Variants in UBE2G1 observed in about 807,000 individuals in gnomAD.
The protein encoded by UBE2G1 is ubiquitin-conjugating enzyme E2 G1.
UBE2G1 carries 5 observed loss-of-function variants against 22.7 expected under a neutral mutation model. The ratio of observed to expected loss-of-function variants is 0.22; its 90% confidence interval spans 0.12 to 0.46. The LOEUF is 0.46. Among genes scored for constraint, UBE2G1 ranks in the 20% least tolerant of loss-of-function variants. The pLI is 0.99. For synonymous variants in UBE2G1, 74 were observed against 67.5 expected (o/e 1.10, Z -0.47); for missense variants, 88 against 203.9 (o/e 0.43, Z 3.46).
intron 1 of UBE2G1, among the ~76,000 whole-genome samples, chr17:4,334,352 A>G (rs1969620094): frequency 1.3e-5 from 2 of 152,176 alleles, no homozygotes; most frequent in Non-Finnish European, 2.9e-5. Context: ...TCAGATTTCT[A>G]CTGTGTACAA....
At chr17:4,331,024 G>T (rs1015733425) in intron 1 of UBE2G1, among the ~76,000 whole-genome samples, 1 of 127,274 alleles carries the variant, frequency 7.9e-6, no homozygotes, top group African/African-American at 4.3e-5. Context: ...AACTGTCAAG[G>T]TGTTCACCTT....
chr17:4,366,581 T>G lies in UBE2G1; in HGVS notation c.-265A>C. The G allele has an allele frequency of 5.5e-6, 2 of 360,876 alleles. No individual in the cohort carries two copies. The highest frequency in any genetic ancestry group is 5.0e-6 in the Non-Finnish European group (1 of 199,686). 22.4% of individuals were successfully genotyped at this position (360,876 alleles called of 1,614,324 possible). A position where few individuals can be genotyped will look rare whatever the true frequency, so the allele number is the denominator to read the frequency against. On this transcript the variant is annotated 5_prime_UTR_variant, in exon 1 of 6. Transcript: ENST00000396981. Reference sequence around the variant, plus strand: ...GCGCACTGGGACTTCGCTCGCCCGCTTCCCTCCTTCAACCCGCCCGTCGGC... The same window carrying G: ...GCGCACTGGGACTTCGCTCGCCCGCGTCCCTCCTTCAACCCGCCCGTCGGC...
chr17:4,303,106 G>T (rs1222933570), intron 2 of UBE2G1, among the ~76,000 whole-genome samples: 3 of 152,038 alleles, frequency 2.0e-5, no homozygotes, highest in Non-Finnish European at 4.4e-5. Flanking sequence ...CCCTTTCCTG[G>T]TAGGGGCATA....
At chr17:4,310,314 C>G (rs914184911) in intron 1 of UBE2G1, among the ~76,000 whole-genome samples, 1 of 152,084 alleles carries the variant, frequency 6.6e-6, no homozygotes, top group Non-Finnish European at 1.5e-5. Flanking sequence ...GAGAAGTAAA[C>G]AGGCAATTAC....
At chr17:4,302,262 G>C in intron 2 of UBE2G1, 1 of 467,902 alleles carries the variant, frequency 2.1e-6, no homozygotes, top group Admixed American at 2.4e-5. Context: ...CCCAGTATTT[G>C]GGCTCCCAGT....
intron 4 of UBE2G1, 32 bp downstream of exon 4, chr17:4,289,198 T>C: frequency 1.4e-6 from 2 of 1,475,960 alleles, no homozygotes; most frequent in Non-Finnish European, 1.8e-6. Flanking sequence ...CAAGGGAAAG[T>C]GAAGGGAAGG....
chr17:4,358,441 A>AT (rs1028470078), intron 1 of UBE2G1, among the ~76,000 whole-genome samples: 1 of 150,558 alleles, frequency 6.6e-6, no homozygotes, highest in South Asian at 2.1e-4. Flanking sequence ...AATTTTGCCC[A>AT]TTTTTTTGAA....
intron 2 of UBE2G1, chr17:4,301,727 G>C (rs996113941): frequency 1.5e-6 from 1 of 660,546 alleles, no homozygotes; most frequent in Non-Finnish European, 2.9e-6. Flanking sequence ...ACTTGTGTTT[G>C]GATTGGTGGG....
chr17:4,338,313 A>G (rs1969673269), intron 1 of UBE2G1, among the ~76,000 whole-genome samples: 1 of 152,218 alleles, frequency 6.6e-6, no homozygotes, highest in Non-Finnish European at 1.5e-5. Context: ...AGAAATAAAA[A>G]TAAGTATAAA....
At chr17:4,356,441 C>T (rs1314358377) in intron 1 of UBE2G1, among the ~76,000 whole-genome samples, 1 of 152,224 alleles carries the variant, frequency 6.6e-6, no homozygotes, top group African/African-American at 2.4e-5. Context: ...AGGGATATCA[C>T]ATCAATTACC....
chr17:4,290,805 G>A (rs1302579119), intron 3 of UBE2G1, among the ~76,000 whole-genome samples: 1 of 131,758 alleles, frequency 7.6e-6, no homozygotes, highest in East Asian at 2.3e-4. Context: ...TTTTGGTAGA[G>A]ATATAGTCTT....
At chr17:4,323,251 T>G (rs1969464393) in intron 1 of UBE2G1, among the ~76,000 whole-genome samples, 4 of 152,214 alleles carry the variant, frequency 2.6e-5, no homozygotes, top group African/African-American at 9.6e-5. Flanking sequence ...TGAGCGATGT[T>G]AAGCTAAAGC....
intron 1 of UBE2G1, among the ~76,000 whole-genome samples, chr17:4,317,167 T>C (rs940925912): frequency 6.6e-6 from 1 of 151,914 alleles, no homozygotes; most frequent in Non-Finnish European, 1.5e-5. Context: ...CTGGCCAGAA[T>C]GGTGAAACCC....
At chr17:4,314,383 G>A (rs1349379784) in intron 1 of UBE2G1, among the ~76,000 whole-genome samples, 1 of 152,168 alleles carries the variant, frequency 6.6e-6, no homozygotes, top group African/African-American at 2.4e-5. Flanking sequence ...TAGTAACAAC[G>A]AATGCTTGAA....
intron 1 of UBE2G1, among the ~76,000 whole-genome samples, chr17:4,317,949 G>T (rs1321462749): frequency 6.6e-6 from 1 of 152,162 alleles, no homozygotes; most frequent in African/African-American, 2.4e-5. Flanking sequence ...CTATTTTATA[G>T]AAATAAATTT....
chr17:4,320,561 T>C (rs1034799448), intron 1 of UBE2G1, among the ~76,000 whole-genome samples: 2 of 152,238 alleles, frequency 1.3e-5, no homozygotes, highest in Non-Finnish European at 2.9e-5. Flanking sequence ...GGGAGACATC[T>C]GTAGGTGGTG....
intron 1 of UBE2G1, among the ~76,000 whole-genome samples, chr17:4,362,801 G>A (rs567244100): frequency 6.6e-6 from 1 of 152,272 alleles, no homozygotes; most frequent in Admixed American, 6.5e-5. Flanking sequence ...GGCGGAGGTT[G>A]CAGTGAACTG....
chr17:4,335,807 G>A (rs1320464356), intron 1 of UBE2G1, among the ~76,000 whole-genome samples: 1 of 152,084 alleles, frequency 6.6e-6, no homozygotes, highest in African/African-American at 2.4e-5. Flanking sequence ...TACAAAATGA[G>A]ACAGAAGGGA....
chr17:4,315,689 G>A lies in UBE2G1; in HGVS notation c.47-8566C>T, dbSNP rs1255434592. On this transcript the variant is annotated intron_variant, in intron 1 of 5. Coordinates refer to ENST00000396981, the MANE Select transcript of UBE2G1 (RefSeq NM_003342.5). ...CGGGAGGCGGAGCTTGCAGTGAGCC[G>A]AGATCGCGCCACTGCACTCCAGCCT... Among the ~76,000 whole-genome samples the A allele has an allele frequency of 5.0e-4, 76 of 150,570 alleles. No individual in the cohort carries two copies. The East Asian group carries it at 0.015, about 29-fold the overall frequency.
Sources: gnomAD v4.1 joint callset for allele counts (sites outside exome capture counted in the v4.1 genomes callset) on GRCh38, gnomAD v4.1.1 for gene constraint, MANE v1.5 for transcripts, NCBI Gene and HGNC (gene_info 2026-07-23, HGNC 2026-07-21) for gene names.